Variants in DCC observed in about 807,000 individuals in gnomAD.
DCC encodes the protein DCC netrin 1 receptor.
A neutral mutation model predicts 172.5 loss-of-function variants in DCC; 58 were observed. The ratio of observed to expected loss-of-function variants is 0.34; its 90% CI spans 0.27 to 0.42. The LOEUF (loss-of-function observed/expected upper bound fraction) is 0.42. Ranked by LOEUF, DCC falls within the 10% of genes least tolerant of loss-of-function variation. The pLI, the probability that DCC is intolerant of heterozygous loss-of-function variation, is 1.00. For missense variants in DCC, 1,740 were observed against 1,791.0 expected, an observed-to-expected ratio of 0.97 and a Z score of 0.51; for synonymous variants, 709 against 644.5, an observed-to-expected ratio of 1.10 and a Z score of -1.52.
At chr18:52,889,046 CAG>C (rs531524321) in intron 2 of DCC, among the ~76,000 whole-genome samples, 251 of 152,020 alleles carry the variant, frequency 1.7e-3, no homozygotes, top group African/African-American at 4.7e-3. Flanking sequence ...GGAAGCTCAA[CAG>C]GGGAGGGAAT....
intron 1 of DCC, among the ~76,000 whole-genome samples, chr18:52,393,194 A>G (rs987446327): frequency 2.0e-5 from 3 of 152,106 alleles, no homozygotes; most frequent in Admixed American, 2.0e-4. Flanking sequence ...AATATCCTTA[A>G]CTATGAAATG....
At chr18:53,302,838 C>A (rs2057156853) in intron 12 of DCC, among the ~76,000 whole-genome samples, 1 of 152,234 alleles carries the variant, frequency 6.6e-6, no homozygotes, top group Non-Finnish European at 1.5e-5. Context: ...TACTGTTGAT[C>A]ATGTTTTATG....
intron 16 of DCC, among the ~76,000 whole-genome samples, chr18:53,390,687 A>C (rs1231410451): frequency 6.6e-6 from 1 of 152,216 alleles, no homozygotes; most frequent in African/African-American, 2.4e-5. Flanking sequence ...TTCTGATATC[A>C]CAGCATAAAC....
At chr18:52,846,831 A>G (rs2038901445) in intron 2 of DCC, among the ~76,000 whole-genome samples, 1 of 152,180 alleles carries the variant, frequency 6.6e-6, no homozygotes, top group Non-Finnish European at 1.5e-5. Context: ...CATGGAGATT[A>G]TGTGATGGAT....
At chr18:52,869,608 A>G (rs926587604) in intron 2 of DCC, among the ~76,000 whole-genome samples, 2 of 152,108 alleles carry the variant, frequency 1.3e-5, no homozygotes, top group African/African-American at 4.8e-5. Context: ...GCCACTGTCC[A>G]TGGCACCCAG....
intron 12 of DCC, among the ~76,000 whole-genome samples, chr18:53,282,931 T>C (rs555496559): frequency 1.3e-5 from 2 of 152,190 alleles, no homozygotes; most frequent in Non-Finnish European, 2.9e-5. Flanking sequence ...GAATGTTCTC[T>C]GGTGAATTTT....
intron 9 of DCC, among the ~76,000 whole-genome samples, chr18:53,183,869 AG>A (rs2055237875): frequency 6.6e-6 from 1 of 152,018 alleles, no homozygotes; most frequent in African/African-American, 2.4e-5. Flanking sequence ...TCCTAGAGCA[AG>A]TTTGTCAATC....
At chr18:53,219,113 G>A (rs192426261) in intron 12 of DCC, among the ~76,000 whole-genome samples, 2 of 152,190 alleles carry the variant, frequency 1.3e-5, no homozygotes. Flanking sequence ...TACATAATAA[G>A]GAATGTGATC....
At chr18:53,399,169 A>G (rs1207859473) in intron 18 of DCC, among the ~76,000 whole-genome samples, 1 of 152,182 alleles carries the variant, frequency 6.6e-6, no homozygotes, top group East Asian at 1.9e-4. Flanking sequence ...TAGGCCTTGG[A>G]AAGAGACAGG....
At chr18:53,301,568 C>T (rs964847871) in intron 12 of DCC, among the ~76,000 whole-genome samples, 1 of 152,170 alleles carries the variant, frequency 6.6e-6, no homozygotes, top group African/African-American at 2.4e-5. Context: ...CAAACAGGCT[C>T]TTTCTTTCCC....
At chr18:53,042,645 G>A (rs571537565) in intron 5 of DCC, among the ~76,000 whole-genome samples, 346 of 151,902 alleles carry the variant, frequency 2.3e-3, no homozygotes, top group African/African-American at 7.9e-3. Flanking sequence ...AAAAGTGGGC[G>A]AAGTATATGA....
intron 9 of DCC, among the ~76,000 whole-genome samples, chr18:53,183,399 A>G (rs757282041): frequency 1.1e-4 from 16 of 152,272 alleles, no homozygotes; most frequent in Admixed American, 2.0e-4. Context: ...TTTCTCTACC[A>G]TATTATCAGC....
rs898577429 is a variant in DCC at position 53,495,979 on chromosome 18, C to T, written c.3899-3319C>T. 5.3e-5 allele frequency among the ~76,000 whole-genome samples: 8 copies of T among 152,144 alleles called. No individual in the cohort carries two copies. In the East Asian group the frequency reaches 1.3e-3, roughly 26 times the overall value. On this transcript the variant is annotated intron_variant, in intron 26 of 28. Coordinates refer to ENST00000442544, the MANE Select transcript of DCC (RefSeq NM_005215.4). ...AGTCAGGGACTTATAGGTAAAAACC[C>T]CATCTCCCTGGGACAGAGCACCTGG...
At chr18:52,860,359 A>G (rs111324127) in intron 2 of DCC, among the ~76,000 whole-genome samples, 1 of 152,190 alleles carries the variant, frequency 6.6e-6, no homozygotes, top group East Asian at 1.9e-4. Context: ...GCTTCAAGAA[A>G]AGCACAGTTT....
chr18:52,967,086 C>T (rs905992283), intron 5 of DCC, among the ~76,000 whole-genome samples: 1 of 152,170 alleles, frequency 6.6e-6, no homozygotes, highest in Admixed American at 6.5e-5. Flanking sequence ...AATGAATTGA[C>T]ACATTTCCTT....
chr18:53,511,894 C>G (rs565099328), intron 27 of DCC, among the ~76,000 whole-genome samples: 4 of 152,162 alleles, frequency 2.6e-5, no homozygotes, highest in Non-Finnish European at 1.5e-5. Context: ...GGGGGAGGGG[C>G]GCCCGCCATT....
intron 5 of DCC, among the ~76,000 whole-genome samples, chr18:52,978,420 G>T (rs2041157488): frequency 6.6e-6 from 1 of 152,126 alleles, no homozygotes; most frequent in South Asian, 2.1e-4. Context: ...AGAAAGAGGT[G>T]GTCGGCAGCA....
intron 12 of DCC, among the ~76,000 whole-genome samples, chr18:53,242,139 A>G (rs2144639776): frequency 6.6e-6 from 1 of 152,272 alleles, no homozygotes; most frequent in South Asian, 2.1e-4. Context: ...AACAAACAGG[A>G]AGACTGAGTC....
At chr18:53,037,023 T>C (rs2042103658) in intron 5 of DCC, among the ~76,000 whole-genome samples, 1 of 151,888 alleles carries the variant, frequency 6.6e-6, no homozygotes, top group Non-Finnish European at 1.5e-5. Context: ...TCTGCAAACA[T>C]AGAATTATTT....
Sources: allele counts gnomAD v4.1 joint callset (sites outside exome capture counted in the v4.1 genomes callset), GRCh38; gene constraint gnomAD v4.1.1; transcripts MANE v1.5; gene names NCBI Gene and HGNC (gene_info 2026-07-23, HGNC 2026-07-21).